Variants in NOP56 observed in about 807,000 individuals in gnomAD.
NOP56 encodes the protein NOP56 ribonucleoprotein, also known as nucleolar protein 56.
Under a neutral mutation model 58.3 loss-of-function variants are expected in NOP56, and 31 were observed. That is an observed-to-expected ratio of 0.53 (90% CI 0.40 to 0.72). NOP56 has a LOEUF of 0.72. Ranked by LOEUF, NOP56 falls within the 30% of genes least tolerant of loss-of-function variation. NOP56 has a pLI of 0.00. For synonymous variants in NOP56, 313 were observed against 282.8 expected, an observed-to-expected ratio of 1.11 and a Z score of -1.07; for missense variants, 669 against 739.9, an observed-to-expected ratio of 0.90 and a Z score of 1.11.
rs2146291190 is a variant in NOP56, at chr20:2,653,336, T to C, written c.151T>C (p.Phe51Leu). 1.2e-6 allele frequency: 2 copies of C among 1,614,082 alleles called. No homozygotes were observed. ...CCACAGCATCGTTCGTCTGGTGGCC[T>C]TTTGTCCCTTTGCCTCATCCCAGGT... ...KFHSIVRLVA[F>L]CPFASSQVAL... Residue 51 changes from phenylalanine (F) to leucine (L), a missense_variant, in exon 3 of 12, where the codon TTT becomes CTT. By Grantham distance (22) the Phe-to-Leu change is conservative. Transcript: ENST00000329276.
In NOP56 at chr20:2,653,316, G is replaced by C; in HGVS notation, c.131G>C (p.Ser44Thr). 6.2e-7 allele frequency: 1 copy of C among 1,614,142 alleles called. No homozygotes were observed. The highest frequency in any genetic ancestry group is 8.5e-7 in the Non-Finnish European group (1 of 1,180,020). Reference sequence around the variant, plus strand: ...GTGCTCAACCTGGGCAAATTCCACAGCATCGTTCGTCTGGTGGCCTTTTGT... The same window carrying C: ...GTGCTCAACCTGGGCAAATTCCACACCATCGTTCGTCTGGTGGCCTTTTGT... The part of the protein sequence containing the change: ...ESVLNLGKFH[S>T]IVRLVAFCPF... The change falls in exon 3 of 12, where the codon AGC (serine) becomes ACC (threonine). Residue 44 changes from serine (S) to threonine (T), a missense_variant. Coordinates refer to ENST00000329276, the MANE Select transcript of NOP56 (RefSeq NM_006392.4).
At position 2,654,945 on chromosome 20, in the gene NOP56, C is replaced by G; in HGVS notation, c.567C>G (p.Val189=). 6.2e-7 allele frequency: 1 copy of G among 1,614,038 alleles called. No individual in the cohort carries two copies. The highest frequency in any genetic ancestry group is 8.5e-7 in the Non-Finnish European group (1 of 1,180,034). Residue 189 remains valine, a splice_region_variant and synonymous_variant, in exon 5 of 12, where the codon GTC becomes GTG. Coordinates refer to ENST00000329276, the MANE Select transcript of NOP56 (RefSeq NM_006392.4). ...DKDINTFSMR[V]REWYGYHFPE... is the part of the protein sequence containing the mutation. ...ACATCAATACCTTCTCTATGCGTGT[C>G]AGGTAAAGTGCAGGGGCCACCCATA...
rs755676506 is a variant in NOP56, at chr20:2,653,365, C to T, written c.180C>T (p.Ala60=). ...AFCPFASSQV[A]LENANAVSEG... ...GTCCCTTTGCCTCATCCCAGGTTGCCTTGGAAAATGCCAACGCCGTGTCTG... is the reference window on the plus strand; with the variant it reads ...GTCCCTTTGCCTCATCCCAGGTTGCTTTGGAAAATGCCAACGCCGTGTCTG... The change falls in exon 3 of 12, where the codon GCC becomes GCT. Residue 60 remains alanine (A), a synonymous_variant. Transcript: ENST00000329276. The T allele has an allele frequency of 6.2e-7, 1 of 1,614,152 alleles. No homozygotes were observed. Among genetic ancestry groups the T allele is most frequent in the Non-Finnish European group, 8.5e-7 (1 of 1,180,016 alleles).
At chr20:2,654,721 G>T in intron 4 of NOP56, 28 bp from the exon 5 acceptor site, 4 of 1,612,612 alleles carry the variant, frequency 2.5e-6, no homozygotes, top group Non-Finnish European at 3.4e-6. Context: ...AGAGCCCCTT[G>T]TTGCTCACCG....
chr20:2,652,733 G>GAGCCT (rs765962795), intron 1 of NOP56, 70 bp downstream of exon 1: 1 of 1,284,196 alleles, frequency 7.8e-7, no homozygotes, highest in African/African-American at 3.0e-5. Flanking sequence ...GCCGCAGACA[G>GAGCCT]GGCCTGGGCC....
intron 5 of NOP56, 109 bp downstream of exon 5, chr20:2,655,056 G>A (rs778687820): frequency 2.1e-5 from 29 of 1,389,980 alleles, no homozygotes; most frequent in African/African-American, 1.8e-4. Context: ...TGTGGGCTGG[G>A]GCTGGGTGTA....
intron 7 of NOP56, 70 bp from the exon 8 acceptor site, chr20:2,655,864 G>C: frequency 3.1e-6 from 5 of 1,610,288 alleles, no homozygotes; most frequent in Non-Finnish European, 4.2e-6. Flanking sequence ...GAGGTGGGGA[G>C]CAGGGCTGTC....
intron 8 of NOP56, 52 bp from the exon 9 acceptor site, chr20:2,656,349 C>CTA: frequency 7.4e-6 from 12 of 1,611,886 alleles, no homozygotes; most frequent in Non-Finnish European, 9.3e-6. Context: ...GCTGCCTTGG[C>CTA]TAATGGGGTT....
Position 2,655,660 on chromosome 20 carries a change from T to C in NOP56, c.823T>C (p.Ser275Pro). 6.2e-7 allele frequency: 1 copy of C among 1,614,214 alleles called. No homozygotes were observed. Among genetic ancestry groups the C allele is most frequent in the Non-Finnish European group, 8.5e-7 (1 of 1,180,034 alleles). ...CTTCTCCAGTCGTGTGGTGTCTTTA[T>C]CTGAATACCGCCAGAGCCTACACAC... ...ESFSSRVVSLSEYRQSLHTYL... is the reference protein window; with the variant it reads ...ESFSSRVVSLPEYRQSLHTYL... The change falls in exon 7 of 12, where the codon TCT (serine) becomes CCT (proline). Residue 275 changes from serine (S) to proline (P), a missense_variant. Transcript: ENST00000329276.
At position 2,652,995 on chromosome 20, in the gene NOP56, G is replaced by A; in HGVS notation, c.93+64G>A. The A allele has an allele frequency of 2.1e-6, 3 of 1,419,294 alleles. 1 individual carries two copies. Among genetic ancestry groups the A allele is most frequent in the South Asian group, 2.6e-5 (2 of 75,856 alleles). 87.9% of individuals were successfully genotyped at this position (1,419,294 alleles called of 1,614,324 possible). ...ACCCTCATCGCGCGGGTCCCAGCAT[G>A]CACAGCGCGCTCCCACGTGGCCGGC... On this transcript the variant is annotated intron_variant, in intron 2 of 11. Transcript: ENST00000329276.
chr20:2,654,446 G>GAGAC lies in NOP56; in HGVS notation c.242_245dup (p.His83AspfsTer39). 6.2e-7 allele frequency: 1 copy of GAGAC among 1,614,130 alleles called. No homozygotes were observed. The highest frequency in any genetic ancestry group is 2.2e-5 in the East Asian group (1 of 44,880). ...TCATGAGGACCTCCGCCTGCTCTTG[G>GAGAC]AGACCCACCTGCCGTCCAAAAAGAA... On this transcript the variant is annotated frameshift_variant, in exon 4 of 12. Transcript: ENST00000329276. LOFTEE classifies it high-confidence loss of function.
rs2086835781 is a variant in NOP56 at position 2,657,216 on chromosome 20, G to C, written c.1417G>C (p.Glu473Gln). ...ENSSSTPEEC[E>Q]EMSEKPKKKK... ...CAGCAGTAGTACTCCAGAGGAGTGT[G>C]AGGTCAGTAGGCAGCACGGCCCTGG... The change falls in exon 11 of 12, where the codon GAG becomes CAG. Residue 473 changes from glutamate to glutamine, a missense_variant and splice_region_variant. By Grantham distance (29) the Glu-to-Gln change is conservative. Transcript: ENST00000329276. 6.2e-7 allele frequency: 1 copy of C among 1,614,070 alleles called. No homozygotes were observed. The highest frequency in any genetic ancestry group is 1.3e-5 in the African/African-American group (1 of 74,926).
At chr20:2,657,052 A>C in intron 10 of NOP56, 29 bp from the exon 11 acceptor site, 1 of 1,614,100 alleles carries the variant, frequency 6.2e-7, no homozygotes, top group Non-Finnish European at 8.5e-7. Flanking sequence ...AGAAGTCTTC[A>C]GGCCCTTTTA....
chr20:2,655,540 A>G (rs2086805728), intron 6 of NOP56, 28 bp downstream of exon 6: 1 of 1,613,940 alleles, frequency 6.2e-7, no homozygotes, highest in Non-Finnish European at 8.5e-7. Flanking sequence ...CAACCTGCAT[A>G]AGGTATGGGG....
chr20:2,657,865 A>G, intron 11 of NOP56, 64 bp from the exon 12 acceptor site: 1 of 1,500,378 alleles, frequency 6.7e-7, no homozygotes, highest in East Asian at 2.3e-5. Context: ...TGCCTTGGCT[A>G]CTTAATTGCT....
Position 2,655,421 on chromosome 20 carries a change from A to G in NOP56, c.666A>G (p.Glu222=). The part of the protein sequence containing the change: ...RLAQFIGNRR[E]LNEDKLEKLE... ...CCCAGTTTATTGGAAACCGAAGGGA[A>G]CTGAATGAGGACAAGCTGGAGAAGC... Residue 222 remains glutamate (E), a synonymous_variant, in exon 6 of 12, where the codon GAA becomes GAG. Coordinates refer to ENST00000329276, the MANE Select transcript of NOP56 (RefSeq NM_006392.4). 1 of 1,614,172 alleles carries G rather than the reference A, an allele frequency of 6.2e-7. No homozygotes were observed. The highest frequency in any genetic ancestry group is 8.5e-7 in the Non-Finnish European group (1 of 1,180,016).
At position 2,652,950 on chromosome 20, in the gene NOP56, C is replaced by T. The variant is rs373478399; in HGVS notation, c.93+19C>T. 2.2e-5 allele frequency: 35 copies of T among 1,574,164 alleles called. No homozygotes were observed. Among genetic ancestry groups the T allele is most frequent in the Non-Finnish European group, 2.9e-5 (33 of 1,156,870 alleles). On this transcript the variant is annotated intron_variant, in intron 2 of 11. Transcript: ENST00000329276. Reference sequence around the variant, plus strand: ...GCCGCAGGTGGGTGAGATCCGTGGGCTCCTTTGGCGGCCCCGCAGACCCTC... The same window carrying T: ...GCCGCAGGTGGGTGAGATCCGTGGGTTCCTTTGGCGGCCCCGCAGACCCTC...
At chr20:2,652,999 A>G in intron 2 of NOP56, 68 bp downstream of exon 2, 3 of 1,397,330 alleles carry the variant, frequency 2.1e-6, no homozygotes, top group Non-Finnish European at 2.9e-6. Context: ...CAGCATGCAC[A>G]GCGCGCTCCC....
At position 2,653,379 on chromosome 20, in the gene NOP56, A is replaced by G. The variant is rs530528052; in HGVS notation, c.194A>G (p.Asn65Ser). 2.7e-5 allele frequency: 44 copies of G among 1,614,052 alleles called. No homozygotes were observed. Among genetic ancestry groups the G allele is most frequent in the African/African-American group, 1.2e-4 (9 of 75,014 alleles). Residue 65 changes from asparagine to serine, a missense_variant, in exon 3 of 12, where the codon AAC becomes AGC. Transcript: ENST00000329276. ...ASSQVALENANAVSEGVVHED... is the reference protein window; with the variant it reads ...ASSQVALENASAVSEGVVHED... ...TCCCAGGTTGCCTTGGAAAATGCCA[A>G]CGCCGTGTCTGAAGGTAAGTCGGCC...
Sources: gnomAD v4.1 joint callset for allele counts on GRCh38, gnomAD v4.1.1 for gene constraint, MANE v1.5 for transcripts, NCBI Gene and HGNC (gene_info 2026-07-23, HGNC 2026-07-21) for gene names.